Variants in GALNT11 observed in about 807,000 individuals in gnomAD.
The protein encoded by GALNT11 is UDP-GalNAc:polypeptide N-acetylgalactosaminyltransferase 11.
In GALNT11, 47 loss-of-function variants were observed where a neutral mutation model predicts 72.7. The ratio of observed to expected loss-of-function variants is 0.65; its 90% CI spans 0.51 to 0.82. The LOEUF (loss-of-function observed/expected upper bound fraction) is 0.82. GALNT11 is among the 40% of genes least tolerant of loss of function. The pLI is 0.00. For missense variants in GALNT11, 677 were observed against 778.4 expected (o/e 0.87, Z 1.55); for synonymous variants, 270 against 286.6 (o/e 0.94, Z 0.58).
At chr7:152,057,504 A>G (rs2152045438) in intron 1 of GALNT11, among the ~76,000 whole-genome samples, 1 of 151,860 alleles carries the variant, frequency 6.6e-6, no homozygotes, top group Middle Eastern at 3.4e-3. Context: ...ATAGGGTTTC[A>G]CCATGTTGGC....
chr7:152,097,283 T>C (rs2086451340), intron 2 of GALNT11, among the ~76,000 whole-genome samples: 1 of 151,846 alleles, frequency 6.6e-6, no homozygotes. Context: ...GAAATGAAAA[T>C]CAAAACAATG....
chr7:152,028,973 T>C (rs1487109830), intron 1 of GALNT11, among the ~76,000 whole-genome samples: 1 of 152,168 alleles, frequency 6.6e-6, no homozygotes, highest in Non-Finnish European at 1.5e-5. Flanking sequence ...AGGCAAGTAA[T>C]AGCAAGATGG....
rs143377458 is a variant in GALNT11, at chr7:152,038,101, A to G, written c.-39+12217A>G. ...CTTCAATTTCTTTTATCAGTATTTT[A>G]TAGTTTTCATTGCAGAGATCATTCA... On this transcript the variant is annotated intron_variant, in intron 1 of 11. Coordinates refer to ENST00000430044, the MANE Select transcript of GALNT11 (RefSeq NM_022087.4). Among the ~76,000 whole-genome samples the G allele has an allele frequency of 3.6e-3, 552 of 152,186 alleles. 4 individuals carry two copies. Among genetic ancestry groups the G allele is most frequent in the African/African-American group, 0.013 (530 of 41,514 alleles).
chr7:152,095,485 C>G (rs2086312365), intron 2 of GALNT11, among the ~76,000 whole-genome samples: 1 of 152,002 alleles, frequency 6.6e-6, no homozygotes, highest in Admixed American at 6.6e-5. Flanking sequence ...GAAATAAAAT[C>G]AGTTCTTAGG....
Position 152,025,875 on chromosome 7 carries a change from G to T in GALNT11, c.-48G>T, listed in dbSNP as rs1286336589. ...CCAGAAGGCGGCGATCCTGGGCTGC[G>T]GGCAAGGCGGTGAGTACCCTCTAGG... On this transcript the variant is annotated 5_prime_UTR_variant, in exon 1 of 12. Transcript: ENST00000430044. 12 of 281,442 alleles carry T rather than the reference G, an allele frequency of 4.3e-5. No homozygotes were observed. The highest frequency in any genetic ancestry group is 2.0e-4 in the African/African-American group (9 of 44,312). The allele number at this position is 281,442 out of a possible 1,614,324, so 17.4% of individuals were successfully genotyped here. A position where few individuals can be genotyped will look rare whatever the true frequency, so the allele number is the denominator to read the frequency against.
At chr7:152,113,135 GC>G in intron 7 of GALNT11, 110 bp from the exon 8 acceptor site, 1 of 1,108,086 alleles carries the variant, frequency 9.0e-7, no homozygotes, top group East Asian at 2.5e-5. Context: ...TAAATATCTT[GC>G]CAAGTTTCAT....
At chr7:152,054,640 T>C (rs2083568777) in intron 1 of GALNT11, among the ~76,000 whole-genome samples, 1 of 151,606 alleles carries the variant, frequency 6.6e-6, no homozygotes, top group Non-Finnish European at 1.5e-5. Context: ...GTCCGCTGAG[T>C]AGCTGGGAAC....
At chr7:152,084,940 C>T (rs2085552730) in intron 1 of GALNT11, among the ~76,000 whole-genome samples, 1 of 146,734 alleles carries the variant, frequency 6.8e-6, no homozygotes. Context: ...CTGTCAATGT[C>T]CCCCTCCAAA....
chr7:152,038,983 C>G (rs1435447399), intron 1 of GALNT11, among the ~76,000 whole-genome samples: 2 of 152,122 alleles, frequency 1.3e-5, no homozygotes, highest in African/African-American at 4.8e-5. Flanking sequence ...TTAATAATTT[C>G]CACAAATCCT....
At chr7:152,112,049 A>G (rs1414453945) in intron 7 of GALNT11, among the ~76,000 whole-genome samples, 1 of 151,822 alleles carries the variant, frequency 6.6e-6, no homozygotes, top group East Asian at 1.9e-4. Context: ...TCAGAGGACC[A>G]TGGTGTAGAC....
intron 5 of GALNT11, 87 bp downstream of exon 5, chr7:152,105,457 G>C: frequency 1.3e-6 from 2 of 1,518,494 alleles, no homozygotes; most frequent in Non-Finnish European, 1.8e-6. Flanking sequence ...CAAAGTCTAT[G>C]AAGAGTAGTG....
chr7:152,054,950 T>C (rs1298444994), intron 1 of GALNT11, among the ~76,000 whole-genome samples: 1 of 152,228 alleles, frequency 6.6e-6, no homozygotes, highest in African/African-American at 2.4e-5. Flanking sequence ...CACAGATTTA[T>C]TTTAAGGAAC....
chr7:152,116,147 A>G (rs774344790), intron 8 of GALNT11, among the ~76,000 whole-genome samples: 26 of 152,352 alleles, frequency 1.7e-4, no homozygotes, highest in East Asian at 7.7e-4. Context: ...GAACAGTACA[A>G]TCCAGTGGAG....
intron 1 of GALNT11, among the ~76,000 whole-genome samples, chr7:152,089,027 A>G (rs948037905): frequency 6.6e-6 from 1 of 152,200 alleles, no homozygotes; most frequent in African/African-American, 2.4e-5. Flanking sequence ...GCAGTCAAGA[A>G]AGAACTTCAT....
intron 5 of GALNT11, 86 bp from the exon 6 acceptor site, chr7:152,107,952 G>A: frequency 6.8e-7 from 1 of 1,481,234 alleles, no homozygotes; most frequent in East Asian, 2.3e-5. Flanking sequence ...TTCATGCTGT[G>A]TCAGCGCGTC....
intron 2 of GALNT11, among the ~76,000 whole-genome samples, chr7:152,099,236 C>G (rs2086595156): frequency 6.6e-6 from 1 of 152,030 alleles, no homozygotes; most frequent in Non-Finnish European, 1.5e-5. Context: ...GCCACCACGC[C>G]CGGCTGGAAA....
At position 152,113,300 on chromosome 7, in the gene GALNT11, A is replaced by G. The variant is rs1425181273; in HGVS notation, c.1135A>G (p.Ile379Val). Residue 379 changes from isoleucine to valine, a missense_variant, in exon 8 of 12, where the codon ATT becomes GTT. Ile to Val is a conservative substitution (Grantham distance 29). Coordinates refer to ENST00000430044, the MANE Select transcript of GALNT11 (RefSeq NM_022087.4). Reference protein sequence around the residue: ...FIIPCSRVGHIFRKRRPYGSP... With the variant: ...FIIPCSRVGHVFRKRRPYGSP... ...CATCCCTTGCTCTAGAGTAGGACAC[A>G]TTTTCCGAAAAAGGCGACCATATGG... 2 of 1,614,064 alleles carry G rather than the reference A, an allele frequency of 1.2e-6. No individual in the cohort carries two copies. The highest frequency in any genetic ancestry group is 1.7e-6 in the Non-Finnish European group (2 of 1,180,006).
chr7:152,097,468 T>C (rs1277510627), intron 2 of GALNT11, among the ~76,000 whole-genome samples: 1 of 152,144 alleles, frequency 6.6e-6, no homozygotes, highest in East Asian at 1.9e-4. Flanking sequence ...AAACGTAGAA[T>C]TATCATATAA....
chr7:152,118,734 G>A lies in GALNT11; in HGVS notation c.1509G>A (p.Lys503=). Reference sequence around the variant, plus strand: ...TGGCCCAGGGCCGCCCAAGTCAGAAGGGAGGTCTCGTGGTGCTTAAGGCCT... The same window carrying A: ...TGGCCCAGGGCCGCCCAAGTCAGAAAGGAGGTCTCGTGGTGCTTAAGGCCT... ...CLVAQGRPSQ[K]GGLVVLKACD... Residue 503 remains lysine (K), a synonymous_variant, in exon 10 of 12, where the codon AAG becomes AAA. Transcript: ENST00000430044. The A allele has an allele frequency of 6.2e-7, 1 of 1,612,080 alleles. No homozygotes were observed. Among genetic ancestry groups the A allele is most frequent in the Non-Finnish European group, 8.5e-7 (1 of 1,179,334 alleles).
Sources: gnomAD v4.1 joint callset for allele counts (sites outside exome capture counted in the v4.1 genomes callset) on GRCh38, gnomAD v4.1.1 for gene constraint, MANE v1.5 for transcripts, NCBI Gene and HGNC (gene_info 2026-07-23, HGNC 2026-07-21) for gene names.